PPM1H: variants seen among roughly 807,000 people sequenced by gnomAD.
PPM1H encodes the protein protein phosphatase 1H.
A neutral mutation model predicts 54.9 loss-of-function variants in PPM1H; 27 were observed. That is an observed-to-expected ratio of 0.49 (90% confidence interval 0.36 to 0.68). PPM1H has a LOEUF of 0.68. Among genes scored for constraint, PPM1H ranks in the 30% least tolerant of loss-of-function variants. PPM1H has a pLI of 0.00. For synonymous variants in PPM1H, 305 were observed against 270.8 expected (o/e 1.13, Z -1.24); for missense variants, 596 against 667.8 (o/e 0.89, Z 1.19).
At chr12:62,739,019 C>T (rs966410064) in intron 4 of PPM1H, among the ~76,000 whole-genome samples, 2 of 151,098 alleles carry the variant, frequency 1.3e-5, no homozygotes, top group South Asian at 2.1e-4. Context: ...GGCAGCGCAT[C>T]CAGGAAGGGA....
At chr12:62,681,374 C>T (rs933344938) in intron 8 of PPM1H, among the ~76,000 whole-genome samples, 4 of 152,152 alleles carry the variant, frequency 2.6e-5, no homozygotes, top group Admixed American at 6.5e-5. Context: ...TTCCCCAGTT[C>T]GGCTCCTCAC....
chr12:62,902,381 T>TA (rs896229479), intron 1 of PPM1H, among the ~76,000 whole-genome samples: 4 of 151,120 alleles, frequency 2.6e-5, no homozygotes, highest in African/African-American at 9.7e-5. Context: ...AATAATAAAA[T>TA]AAAAAAATAA....
chr12:62,785,403 T>A (rs2076665222), intron 4 of PPM1H, among the ~76,000 whole-genome samples: 1 of 152,248 alleles, frequency 6.6e-6, no homozygotes, highest in Non-Finnish European at 1.5e-5. Context: ...GGTCTCGATC[T>A]CCTGACCTCA....
chr12:62,715,294 C>T (rs920863872), intron 6 of PPM1H, among the ~76,000 whole-genome samples: 6 of 152,086 alleles, frequency 3.9e-5, no homozygotes, highest in Admixed American at 6.5e-5. Flanking sequence ...ATTCTGGCAC[C>T]GGGACCAATG....
intron 8 of PPM1H, among the ~76,000 whole-genome samples, chr12:62,688,861 T>A (rs2076068869): frequency 6.6e-6 from 1 of 152,096 alleles, no homozygotes; most frequent in Non-Finnish European, 1.5e-5. Context: ...CTGGGTATGG[T>A]GGTGTGTGCC....
chr12:62,855,791 A>G (rs1869362239), intron 1 of PPM1H, among the ~76,000 whole-genome samples: 1 of 152,154 alleles, frequency 6.6e-6, no homozygotes, highest in South Asian at 2.1e-4. Context: ...TAGATTCCTG[A>G]CACTGATTTT....
At chr12:62,918,761 T>C (rs1272560506) in intron 1 of PPM1H, among the ~76,000 whole-genome samples, 1 of 152,192 alleles carries the variant, frequency 6.6e-6, no homozygotes, top group Non-Finnish European at 1.5e-5. Context: ...ATGCAGCTAT[T>C]AAAAATGATA....
chr12:62,869,593 C>T (rs1035857450), intron 1 of PPM1H, among the ~76,000 whole-genome samples: 1 of 152,192 alleles, frequency 6.6e-6, no homozygotes, highest in Non-Finnish European at 1.5e-5. Context: ...ACCACTACCA[C>T]ATAAAAGATC....
chr12:62,675,840 T>C (rs1366574169), intron 8 of PPM1H, among the ~76,000 whole-genome samples: 1 of 152,228 alleles, frequency 6.6e-6, no homozygotes, highest in Non-Finnish European at 1.5e-5. Flanking sequence ...CAAGCTATTA[T>C]GCATGCTGCC....
At chr12:62,791,081 T>C (rs777182765) in intron 3 of PPM1H, among the ~76,000 whole-genome samples, 1 of 152,100 alleles carries the variant, frequency 6.6e-6, no homozygotes, top group East Asian at 1.9e-4. Flanking sequence ...AAATAAATTT[T>C]AAATTTTTTT....
chr12:62,925,094 TAATATA>T (rs1190269627), intron 1 of PPM1H, among the ~76,000 whole-genome samples: 1 of 151,850 alleles, frequency 6.6e-6, no homozygotes, highest in African/African-American at 2.4e-5. Flanking sequence ...ACTACAAAAA[TAATATA>T]AATAGATGAA....
At chr12:62,742,856 G>A (rs576634420) in intron 4 of PPM1H, among the ~76,000 whole-genome samples, 1 of 152,164 alleles carries the variant, frequency 6.6e-6, no homozygotes, top group South Asian at 2.1e-4. Context: ...TTCCCATACA[G>A]AGGGGATGGG....
chr12:62,856,452 A>T (rs1302294357), intron 1 of PPM1H, among the ~76,000 whole-genome samples: 4 of 152,034 alleles, frequency 2.6e-5, no homozygotes, highest in African/African-American at 7.2e-5. Context: ...TGTTTCATGT[A>T]TTTGTTGTCT....
intron 1 of PPM1H, among the ~76,000 whole-genome samples, chr12:62,837,906 G>C (rs2120878187): frequency 6.6e-6 from 1 of 152,274 alleles, no homozygotes; most frequent in South Asian, 2.1e-4. Context: ...GACATCCAGA[G>C]CCTTCAGGGA....
chr12:62,728,747 G>A lies in PPM1H; in HGVS notation c.955-8458C>T, dbSNP rs2076303835. On this transcript the variant is annotated intron_variant, in intron 5 of 9. Coordinates refer to ENST00000228705, the MANE Select transcript of PPM1H (RefSeq NM_020700.2). ...CACCTCAGCAGGGCAAGGAAAAAAG[G>A]GTAGCCGGAAGCAGGGAACTCAGAC... 2.0e-5 allele frequency among the ~76,000 whole-genome samples: 3 copies of A among 152,130 alleles called. No individual in the cohort carries two copies. In the South Asian group the frequency reaches 6.2e-4, roughly 32 times the overall value.
chr12:62,752,298 T>C (rs1284676445), intron 4 of PPM1H, among the ~76,000 whole-genome samples: 1 of 152,216 alleles, frequency 6.6e-6, no homozygotes, highest in Non-Finnish European at 1.5e-5. Context: ...TACTTGGAAC[T>C]TCGTTATTTT....
chr12:62,928,634 A>C (rs1202769372), intron 1 of PPM1H, among the ~76,000 whole-genome samples: 1 of 152,208 alleles, frequency 6.6e-6, no homozygotes, highest in Non-Finnish European at 1.5e-5. Flanking sequence ...CGTTGGCGCC[A>C]ATCCTGTTCC....
intron 9 of PPM1H, among the ~76,000 whole-genome samples, chr12:62,660,980 T>C (rs1028965122): frequency 2.0e-5 from 3 of 152,188 alleles, no homozygotes; most frequent in African/African-American, 7.2e-5. Context: ...TTCCATATCG[T>C]TACCACAGAC....
intron 4 of PPM1H, among the ~76,000 whole-genome samples, chr12:62,753,460 C>G (rs1347477993): frequency 6.6e-6 from 1 of 152,196 alleles, no homozygotes; most frequent in East Asian, 1.9e-4. Flanking sequence ...CCAAATCTAA[C>G]TAAGGGATGA....
Sources: gnomAD v4.1 joint callset for allele counts (sites outside exome capture counted in the v4.1 genomes callset) on GRCh38, gnomAD v4.1.1 for gene constraint, MANE v1.5 for transcripts, NCBI Gene and HGNC (gene_info 2026-07-23, HGNC 2026-07-21) for gene names.